POLN: variants seen among roughly 807,000 people sequenced by gnomAD.
POLN encodes the protein DNA polymerase N.
Under a neutral mutation model 113.5 loss-of-function variants are expected in POLN, and 108 were observed. That is an observed-to-expected ratio of 0.95 (90% confidence interval 0.81 to 1.12). The LOEUF is 1.12. POLN is among the 50% of genes most tolerant of loss of function. The probability of loss-of-function intolerance (pLI) is 0.00; values close to 1 mark genes in which losing one functional copy is unlikely to be tolerated. For synonymous variants in POLN, 386 were observed against 391.5 expected (o/e 0.99, Z 0.17); for missense variants, 1,097 against 1,077.1 (o/e 1.02, Z -0.26).
chr4:2,091,966 G>A (rs551566815), intron 20 of POLN, among the ~76,000 whole-genome samples: 4 of 152,094 alleles, frequency 2.6e-5, no homozygotes, highest in African/African-American at 7.2e-5. Context: ...GGGAACATGG[G>A]CTGGTCTAGC....
chr4:2,213,888 C>A (rs1734051869), intron 3 of POLN, among the ~76,000 whole-genome samples: 1 of 151,932 alleles, frequency 6.6e-6, no homozygotes, highest in South Asian at 2.1e-4. Flanking sequence ...AATTGGAGAC[C>A]CTACAGGGAT....
intron 16 of POLN, among the ~76,000 whole-genome samples, chr4:2,152,993 C>T (rs145441198): frequency 6.6e-6 from 1 of 152,310 alleles, no homozygotes; most frequent in Non-Finnish European, 1.5e-5. Context: ...GAAAATCTGT[C>T]CCACAAAAAT....
intron 16 of POLN, among the ~76,000 whole-genome samples, chr4:2,153,314 A>C (rs1281472255): frequency 6.6e-6 from 1 of 152,238 alleles, no homozygotes; most frequent in African/African-American, 2.4e-5. Context: ...TACAAGCTCT[A>C]GGCTGCAATC....
At chr4:2,147,746 G>T (rs1449627155) in intron 16 of POLN, among the ~76,000 whole-genome samples, 2 of 144,592 alleles carry the variant, frequency 1.4e-5, no homozygotes, top group Non-Finnish European at 3.0e-5. Flanking sequence ...AGGTTTAAGC[G>T]ATTCTCCTGC....
chr4:2,228,039 A>G (rs2108773122), intron 3 of POLN: 1 of 152,488 alleles, frequency 6.6e-6, no homozygotes, highest in Non-Finnish European at 1.5e-5. Flanking sequence ...AATGGATCAA[A>G]ACGTTAAGTG....
chr4:2,209,657 CTT>C lies in POLN; in HGVS notation c.214-1172_214-1171del, dbSNP rs1175117439. On this transcript the variant is annotated intron_variant, in intron 4 of 25. Coordinates refer to ENST00000511885, the MANE Select transcript of POLN (RefSeq NM_181808.4). ...TATTTTTAAGGTTTCTTTCCTTTTC[CTT>C]TTTTTTTTTTTTTTTTTTTTGAGAC... Among the ~76,000 whole-genome samples the C allele has an allele frequency of 3.6e-3, 388 of 108,380 alleles. 3 individuals carry two copies. The highest frequency in any genetic ancestry group is 0.015 in the African/African-American group (361 of 24,782). 71.1% of individuals were successfully genotyped at this position (108,380 alleles called of 152,430 possible).
chr4:2,221,044 T>C (rs1040877563), intron 3 of POLN, among the ~76,000 whole-genome samples: 5 of 152,180 alleles, frequency 3.3e-5, no homozygotes, highest in African/African-American at 1.2e-4. Flanking sequence ...CTCTCCATTG[T>C]TCTCCAGCAA....
rs1305331912 is a variant in POLN at position 2,127,312 on chromosome 4, C to G, written c.1982+801G>C. Among the ~76,000 whole-genome samples the G allele has an allele frequency of 1.3e-5, 2 of 152,134 alleles. No homozygotes were observed. The highest frequency in any genetic ancestry group is 3.9e-4 in the East Asian group (2 of 5,182). On this transcript the variant is annotated intron_variant, in intron 19 of 25. Coordinates refer to ENST00000511885, the MANE Select transcript of POLN (RefSeq NM_181808.4). The surrounding 1 kb of genome is among the most constrained non-coding windows in gnomAD (Gnocchi z 4.7). ...CCCCTTCCTCAAAGGGGCACTGATG[C>G]ACCCGGCCCGGTGAACACCTGTGAT...
At chr4:2,147,439 C>A (rs564074754) in intron 16 of POLN, among the ~76,000 whole-genome samples, 1 of 152,234 alleles carries the variant, frequency 6.6e-6, no homozygotes, top group African/African-American at 2.4e-5. Context: ...CCTAAAGTAT[C>A]TGAGTTGGGG....
In POLN at chr4:2,219,559, T is replaced by A. The variant is rs114477009; in HGVS notation, c.134-6433A>T. 2.1e-3 allele frequency among the ~76,000 whole-genome samples: 315 copies of A among 152,202 alleles called. 1 individual carries two copies. The highest frequency in any genetic ancestry group is 7.2e-3 in the African/African-American group (300 of 41,522). On this transcript the variant is annotated intron_variant, in intron 3 of 25. Transcript: ENST00000511885. The stretch of plus-strand genomic sequence containing the variant: ...ACTGTTATCAGGAGGCATCTCCTAT[T>A]ATCAGCCCTGGTCTATAGCAGACAC...
rs146182235 is a variant in POLN at position 2,156,789 on chromosome 4, G to A, written c.1730C>T (p.Pro577Leu). Residue 577 changes from proline to leucine, a missense_variant and splice_region_variant, in exon 16 of 26, where the codon CCT becomes CTT. Coordinates refer to ENST00000511885, the MANE Select transcript of POLN (RefSeq NM_181808.4). ...TVTGRLSAKH[P>L]NIQGISKHPI... ...AAGACAGTTGTTTAAACAACTTACA[G>A]GATGCTTGGCTGAAAGTCTTCCAGT... is the stretch of plus-strand genomic sequence containing the variant. The A allele has an allele frequency of 2.8e-4, 458 of 1,610,788 alleles. No individual in the cohort carries two copies. Among genetic ancestry groups the A allele is most frequent in the East Asian group, 3.6e-4 (16 of 44,884 alleles).
chr4:2,219,588 T>C (rs1256748284), intron 3 of POLN, among the ~76,000 whole-genome samples: 1 of 151,926 alleles, frequency 6.6e-6, no homozygotes, highest in Non-Finnish European at 1.5e-5. Context: ...CAGACACCAC[T>C]GAGATTCTCA....
chr4:2,078,038 C>T (rs924904441), intron 23 of POLN, among the ~76,000 whole-genome samples: 1 of 152,234 alleles, frequency 6.6e-6, no homozygotes, highest in Non-Finnish European at 1.5e-5. Context: ...CCAGAAGAGC[C>T]TCACCGTGTT....
chr4:2,165,210 G>A (rs930280875), intron 13 of POLN, among the ~76,000 whole-genome samples: 15 of 152,320 alleles, frequency 9.8e-5, no homozygotes, highest in African/African-American at 3.4e-4. Context: ...AAAATAAACT[G>A]TGATACATCC....
chr4:2,089,320 A>G, intron 20 of POLN: 1 of 1,389,182 alleles, frequency 7.2e-7, no homozygotes, highest in Non-Finnish European at 1.0e-6. Context: ...AGATCCTGTT[A>G]ATTCTGATAT....
chr4:2,232,044 T>G (rs1317030926), intron 2 of POLN: 4 of 1,538,870 alleles, frequency 2.6e-6, no homozygotes, highest in Non-Finnish European at 3.6e-6. Flanking sequence ...CCATTTGATG[T>G]AATTTATTAT....
chr4:2,190,201 A>G (rs977879234), intron 7 of POLN, among the ~76,000 whole-genome samples: 5 of 152,188 alleles, frequency 3.3e-5, no homozygotes, highest in African/African-American at 1.2e-4. Flanking sequence ...TGGTACTGAC[A>G]TAAAACCGAC....
chr4:2,097,099 C>T lies in POLN; in HGVS notation c.1983-1166G>A, dbSNP rs549326158. 2.0e-5 allele frequency among the ~76,000 whole-genome samples: 3 copies of T among 152,316 alleles called. No individual in the cohort carries two copies. In the East Asian group the frequency reaches 5.8e-4, roughly 29 times the overall value. On this transcript the variant is annotated intron_variant, in intron 19 of 25. Transcript: ENST00000511885. ...CTCCAGGAAGCTGCAAGTTATTTGC[C>T]TTACAATGTTTCCAAGCAACGTCTG...
intron 2 of POLN, chr4:2,238,943 G>A: frequency 6.2e-7 from 1 of 1,605,618 alleles, no homozygotes; most frequent in Non-Finnish European, 8.5e-7. Context: ...TACCACAGCA[G>A]GTAAACTTCT....
Sources: gnomAD v4.1 joint callset for allele counts (sites outside exome capture counted in the v4.1 genomes callset) on GRCh38, gnomAD v4.1.1 for gene constraint, Gnocchi (gnomAD v3.1) non-coding constraint, MANE v1.5 for transcripts, NCBI Gene and HGNC (gene_info 2026-07-23, HGNC 2026-07-21) for gene names.